CNTNAP5: variants seen among roughly 807,000 people sequenced by gnomAD.
CNTNAP5 encodes contactin-associated protein-like 5.
A neutral mutation model predicts 150.2 loss-of-function variants in CNTNAP5; 72 were observed. That is an observed-to-expected ratio of 0.48 (90% CI 0.40 to 0.58). The LOEUF (loss-of-function observed/expected upper bound fraction) is 0.58. Among genes scored for constraint, CNTNAP5 ranks in the 20% least tolerant of loss-of-function variants. CNTNAP5 has a pLI of 0.00. For missense variants in CNTNAP5, 1,636 were observed against 1,626.2 expected (o/e 1.01, Z -0.10); for synonymous variants, 672 against 619.8 (o/e 1.08, Z -1.25).
At chr2:124,049,851 C>G (rs1352041301) in intron 1 of CNTNAP5, among the ~76,000 whole-genome samples, 1 of 152,202 alleles carries the variant, frequency 6.6e-6, no homozygotes, top group Non-Finnish European at 1.5e-5. Context: ...GATTCAATGT[C>G]TAATGAGGGC....
intron 13 of CNTNAP5, among the ~76,000 whole-genome samples, chr2:124,702,342 A>G (rs1368605745): frequency 9.1e-6 from 1 of 109,404 alleles, no homozygotes; most frequent in Non-Finnish European, 1.8e-5. Flanking sequence ...TGAAACTATG[A>G]ACACTTTTTT....
chr2:124,695,324 A>C (rs1558738692), intron 13 of CNTNAP5, among the ~76,000 whole-genome samples: 2 of 152,346 alleles, frequency 1.3e-5, no homozygotes, highest in East Asian at 3.9e-4. Flanking sequence ...GTCAAAGGAC[A>C]GAAAATCATG....
chr2:124,694,169 A>G (rs111477193), intron 13 of CNTNAP5, among the ~76,000 whole-genome samples: 1 of 152,184 alleles, frequency 6.6e-6, no homozygotes, highest in Non-Finnish European at 1.5e-5. Context: ...AAGTTTCTTC[A>G]AATGAATGCT....
chr2:124,548,584 A>T (rs1238792400), intron 10 of CNTNAP5, among the ~76,000 whole-genome samples: 1 of 152,162 alleles, frequency 6.6e-6, no homozygotes, highest in African/African-American at 2.4e-5. Flanking sequence ...TAGTATACTG[A>T]GCTTAGCAAT....
At chr2:124,630,809 C>G (rs1299996181) in intron 12 of CNTNAP5, among the ~76,000 whole-genome samples, 6 of 152,016 alleles carry the variant, frequency 3.9e-5, no homozygotes, top group Admixed American at 1.3e-4. Context: ...TGACATAATC[C>G]TGTATCTAGA....
At chr2:124,893,134 C>A (rs1281153174) in intron 21 of CNTNAP5, among the ~76,000 whole-genome samples, 1 of 152,020 alleles carries the variant, frequency 6.6e-6, no homozygotes, top group African/African-American at 2.4e-5. Flanking sequence ...GCCAGTGTAC[C>A]ATCCTACAGG....
rs141647866 is a variant in CNTNAP5 at position 124,539,376 on chromosome 2, A to C, written c.1649+11920A>C. ...AGCGTCATAGATGCCATCCACTTTA[A>C]CACTTAAAATGCCCAAAGGAAGCAT... On this transcript the variant is annotated intron_variant, in intron 10 of 23. Transcript: ENST00000682447. 6.0e-3 allele frequency among the ~76,000 whole-genome samples: 913 copies of C among 152,246 alleles called. 12 individuals carry two copies. The highest frequency in any genetic ancestry group is 0.021 in the African/African-American group (870 of 41,542).
chr2:124,687,671 G>A (rs1260326894), intron 13 of CNTNAP5, among the ~76,000 whole-genome samples: 1 of 152,032 alleles, frequency 6.6e-6, no homozygotes. Flanking sequence ...GTGGCAAGTA[G>A]AGAGATCTGA....
intron 17 of CNTNAP5, among the ~76,000 whole-genome samples, chr2:124,788,184 G>A (rs1057059353): frequency 2.0e-5 from 3 of 152,140 alleles, no homozygotes; most frequent in African/African-American, 7.2e-5. Context: ...CTTCTAATGG[G>A]ACTTAGCTTA....
chr2:124,352,555 A>G (rs778862993), intron 3 of CNTNAP5, among the ~76,000 whole-genome samples: 1 of 152,266 alleles, frequency 6.6e-6, no homozygotes, highest in Non-Finnish European at 1.5e-5. Context: ...TAGCTGTGCA[A>G]TTTTCTGGAA....
chr2:124,592,042 C>T (rs1453249359), intron 11 of CNTNAP5, among the ~76,000 whole-genome samples: 2 of 152,076 alleles, frequency 1.3e-5, no homozygotes, highest in African/African-American at 2.4e-5. Context: ...TGTAGTGTTA[C>T]GTGTGGGGAT....
intron 19 of CNTNAP5, among the ~76,000 whole-genome samples, chr2:124,847,103 G>A (rs1451877643): frequency 1.3e-5 from 2 of 152,198 alleles, no homozygotes; most frequent in East Asian, 3.9e-4. Context: ...GCCCTATAAG[G>A]AGGATGCATT....
intron 3 of CNTNAP5, 122 bp from the exon 4 acceptor site, chr2:124,417,321 C>T: frequency 2.1e-6 from 2 of 959,518 alleles, no homozygotes; most frequent in Non-Finnish European, 3.1e-6. Flanking sequence ...AGTCATATTT[C>T]AATTGAAATA....
At chr2:124,335,418 G>A (rs1242609236) in intron 3 of CNTNAP5, among the ~76,000 whole-genome samples, 1 of 151,710 alleles carries the variant, frequency 6.6e-6, no homozygotes, top group African/African-American at 2.4e-5. Flanking sequence ...AAAGACCAAA[G>A]GAGGAAGATT....
At chr2:124,541,646 G>A (rs1289781953) in intron 10 of CNTNAP5, among the ~76,000 whole-genome samples, 1 of 152,078 alleles carries the variant, frequency 6.6e-6, no homozygotes, top group Non-Finnish European at 1.5e-5. Flanking sequence ...GGAGAAACTC[G>A]AACAAATAAT....
chr2:124,190,457 C>T (rs1319035305), intron 1 of CNTNAP5, among the ~76,000 whole-genome samples: 4 of 152,186 alleles, frequency 2.6e-5, no homozygotes, highest in Non-Finnish European at 5.9e-5. Flanking sequence ...TTTTACCACA[C>T]TGATCCTGTA....
At chr2:124,791,644 A>G (rs1681730962) in intron 18 of CNTNAP5, among the ~76,000 whole-genome samples, 1 of 150,796 alleles carries the variant, frequency 6.6e-6, no homozygotes, top group South Asian at 2.1e-4. Flanking sequence ...CTCTGGGGAC[A>G]TTATTCAAAG....
intron 3 of CNTNAP5, among the ~76,000 whole-genome samples, chr2:124,413,603 T>G (rs1269732044): frequency 8.0e-6 from 1 of 124,308 alleles, no homozygotes; most frequent in Non-Finnish European, 1.7e-5. Flanking sequence ...AAATTGGAAA[T>G]CATCATTCTC....
intron 7 of CNTNAP5, among the ~76,000 whole-genome samples, chr2:124,478,060 A>T (rs956472653): frequency 7.2e-5 from 11 of 152,088 alleles, no homozygotes; most frequent in African/African-American, 2.7e-4. Context: ...TATACATATT[A>T]TGTGTTAAAA....
Sources: allele counts gnomAD v4.1 joint callset (sites outside exome capture counted in the v4.1 genomes callset), GRCh38; gene constraint gnomAD v4.1.1; transcripts MANE v1.5; gene names NCBI Gene and HGNC (gene_info 2026-07-23, HGNC 2026-07-21).